The following ZNF618 variants were observed in gnomAD, a reference collection of about 807,000 sequenced individuals.
ZNF618 encodes the protein zinc finger protein 618.
ZNF618 carries 34 observed loss-of-function variants against 103.0 expected under a neutral mutation model. The ratio of observed to expected loss-of-function variants is 0.33; its 90% CI spans 0.25 to 0.44. The LOEUF (loss-of-function observed/expected upper bound fraction) is 0.44. Among genes scored for constraint, ZNF618 ranks in the 20% least tolerant of loss-of-function variants. ZNF618 has a pLI of 1.00. For synonymous variants in ZNF618, 551 were observed against 542.2 expected (o/e 1.02, Z -0.23); for missense variants, 1,059 against 1,295.4 (o/e 0.82, Z 2.80).
intron 3 of ZNF618, among the ~76,000 whole-genome samples, chr9:113,993,041 T>G (rs1840225443): frequency 6.6e-6 from 1 of 152,158 alleles, no homozygotes; most frequent in Non-Finnish European, 1.5e-5. Context: ...ATACTAAACT[T>G]AATAACTTTG....
At chr9:113,905,798 C>T (rs1830936852) in intron 1 of ZNF618, among the ~76,000 whole-genome samples, 1 of 152,182 alleles carries the variant, frequency 6.6e-6, no homozygotes, top group Non-Finnish European at 1.5e-5. Context: ...GCATGTTTCA[C>T]CTTCCTTGCT....
intron 5 of ZNF618, 74 bp downstream of exon 5, chr9:114,002,147 C>A: frequency 7.1e-7 from 1 of 1,401,622 alleles, no homozygotes; most frequent in Non-Finnish European, 1.0e-6. Flanking sequence ...ACTTGGGCCC[C>A]TCGTGGGTGA....
intron 1 of ZNF618, among the ~76,000 whole-genome samples, chr9:113,905,655 A>G (rs1317267132): frequency 6.6e-6 from 1 of 152,168 alleles, no homozygotes; most frequent in African/African-American, 2.4e-5. Flanking sequence ...GAGCTCTGAG[A>G]ATGGTTCTGC....
At position 113,923,449 on chromosome 9, in the gene ZNF618, A is replaced by G. The variant is rs1490622828; in HGVS notation, c.34-45668A>G. Among the ~76,000 whole-genome samples the G allele has an allele frequency of 4.6e-5, 7 of 152,246 alleles. No homozygotes were observed. The South Asian group carries it at 8.3e-4, about 18-fold the overall frequency. On this transcript the variant is annotated intron_variant, in intron 1 of 14. Coordinates refer to ENST00000374126, the MANE Select transcript of ZNF618 (RefSeq NM_001318042.2). The stretch of plus-strand genomic sequence containing the variant: ...AGGTTTTTTGTAGATGTTCTTGATC[A>G]AGTTGAGGAAGTTACCCTCTTTTCC...
intron 1 of ZNF618, among the ~76,000 whole-genome samples, chr9:113,902,693 A>G (rs1830668110): frequency 6.6e-6 from 1 of 152,206 alleles, no homozygotes; most frequent in Non-Finnish European, 1.5e-5. Flanking sequence ...TGCAGCCACC[A>G]CATTTTACCT....
At chr9:113,943,247 G>T (rs1834709846) in intron 1 of ZNF618, among the ~76,000 whole-genome samples, 1 of 152,218 alleles carries the variant, frequency 6.6e-6, no homozygotes. Context: ...GTGATAGCCT[G>T]CGGTAAGTGC....
Position 114,050,030 on chromosome 9 carries a change from C to T in ZNF618, c.2728C>T (p.Leu910Phe). 6.2e-7 allele frequency: 1 copy of T among 1,613,912 alleles called. No homozygotes were observed. Among genetic ancestry groups the T allele is most frequent in the Non-Finnish European group, 8.5e-7 (1 of 1,179,886 alleles). ...HTKLAKLAFW[L>F]LAVPAVGARS... is the part of the protein sequence containing the mutation. ...AAAACTCGCCAAGCTCGCCTTCTGGCTCCTGGCGGTTCCGGCCGTGGGCGC... is the reference window on the plus strand; with the variant it reads ...AAAACTCGCCAAGCTCGCCTTCTGGTTCCTGGCGGTTCCGGCCGTGGGCGC... The change falls in exon 15 of 15, where the codon CTC becomes TTC. Residue 910 changes from leucine (L) to phenylalanine (F), a missense_variant. Transcript: ENST00000374126.
At chr9:114,044,001 A>G (rs139565636) in intron 13 of ZNF618, among the ~76,000 whole-genome samples, 186 of 152,178 alleles carry the variant, frequency 1.2e-3, no homozygotes, top group South Asian at 3.7e-3. Flanking sequence ...TCTATGGGTT[A>G]TCTGTTTACT....
At position 114,050,421 on chromosome 9, in the gene ZNF618, C is replaced by A; in HGVS notation, c.*254C>A. The A allele has an allele frequency of 5.1e-6, 2 of 393,962 alleles. No individual in the cohort carries two copies. Among genetic ancestry groups the A allele is most frequent in the Middle Eastern group, 6.8e-4 (1 of 1,478 alleles). The allele number at this position is 393,962 out of a possible 1,614,324, so 24.4% of individuals were successfully genotyped here. A position where few individuals can be genotyped will look rare whatever the true frequency, so the allele number is the denominator to read the frequency against. On this transcript the variant is annotated 3_prime_UTR_variant, in exon 15 of 15. Coordinates refer to ENST00000374126, the MANE Select transcript of ZNF618 (RefSeq NM_001318042.2). ...GGGGTCTCTGTGCTCATCTCCATGG[C>A]CAGAGAAACTTTGCACACACGCACA...
At chr9:113,991,872 T>G (rs899902131) in intron 3 of ZNF618, among the ~76,000 whole-genome samples, 5 of 152,162 alleles carry the variant, frequency 3.3e-5, no homozygotes, top group Non-Finnish European at 7.4e-5. Context: ...ACAAGGGACG[T>G]GTGGAGCTGC....
intron 6 of ZNF618, among the ~76,000 whole-genome samples, chr9:114,006,351 C>T (rs1407929740): frequency 6.6e-6 from 1 of 152,170 alleles, no homozygotes; most frequent in Non-Finnish European, 1.5e-5. Flanking sequence ...CCTTCCCCTC[C>T]CCACACCGGG....
chr9:113,982,996 T>A (rs10441748), intron 2 of ZNF618, among the ~76,000 whole-genome samples: 1 of 152,118 alleles, frequency 6.6e-6, no homozygotes, highest in Non-Finnish European at 1.5e-5. Flanking sequence ...GAAGTGTGAC[T>A]CGGGTTAAAT....
At chr9:113,878,017 T>A (rs1313954391) in intron 1 of ZNF618, among the ~76,000 whole-genome samples, 1 of 151,942 alleles carries the variant, frequency 6.6e-6, no homozygotes, top group African/African-American at 2.4e-5. Flanking sequence ...TTGTTCACCC[T>A]TCCAATTTGA....
At chr9:113,885,897 T>C (rs1025772394) in intron 1 of ZNF618, among the ~76,000 whole-genome samples, 1 of 152,200 alleles carries the variant, frequency 6.6e-6, no homozygotes, top group South Asian at 2.1e-4. Flanking sequence ...CAAAGCAGAA[T>C]GAGGCTTTCT....
intron 3 of ZNF618, 36 bp from the exon 4 acceptor site, chr9:113,998,223 C>T: frequency 6.5e-7 from 1 of 1,545,798 alleles, no homozygotes; most frequent in Non-Finnish European, 8.8e-7. Context: ...CATTCTCCAA[C>T]TTTAAGGGCT....
chr9:113,951,425 G>GTGTATATATATACACACATATA (rs71367742), intron 1 of ZNF618, among the ~76,000 whole-genome samples: 1 of 37,540 alleles, frequency 2.7e-5, no homozygotes, highest in East Asian at 2.0e-3. Context: ...ACATATATGT[G>GTGTATATATATACACACATATA]TGTGTGTATA....
chr9:113,998,432 C>A, intron 4 of ZNF618, 78 bp downstream of exon 4: 1 of 1,319,702 alleles, frequency 7.6e-7, no homozygotes, highest in Non-Finnish European at 1.1e-6. Context: ...CCATCAGTTA[C>A]AGACCTGAGT....
chr9:114,035,426 G>T (rs1306050991), intron 12 of ZNF618, among the ~76,000 whole-genome samples: 1 of 152,204 alleles, frequency 6.6e-6, no homozygotes, highest in African/African-American at 2.4e-5. Context: ...TGGACGGGGT[G>T]GGGCAGAGCC....
chr9:114,001,474 G>T (rs909847360), intron 4 of ZNF618, among the ~76,000 whole-genome samples: 1 of 152,150 alleles, frequency 6.6e-6, no homozygotes, highest in Non-Finnish European at 1.5e-5. Flanking sequence ...GCAGACTGAG[G>T]CTTCATGCAT....
Sources: gnomAD v4.1 joint callset for allele counts (sites outside exome capture counted in the v4.1 genomes callset) on GRCh38, gnomAD v4.1.1 for gene constraint, MANE v1.5 for transcripts, NCBI Gene and HGNC (gene_info 2026-07-23, HGNC 2026-07-21) for gene names.